The following PTPRU variants were observed in gnomAD, a reference collection of about 807,000 sequenced individuals.
PTPRU encodes the protein protein tyrosine phosphatase receptor type U, also known as receptor-type tyrosine-protein phosphatase U.
In PTPRU, 69 loss-of-function variants were observed where a neutral mutation model predicts 166.3. The observed-to-expected ratio is 0.41, with a 90% CI of 0.34 to 0.51. The LOEUF (loss-of-function observed/expected upper bound fraction) is 0.51, where lower values mean the gene tolerates loss of function less well. Among genes scored for constraint, PTPRU ranks in the 20% least tolerant of loss-of-function variants. PTPRU has a pLI of 0.09. For synonymous variants in PTPRU, 793 were observed against 814.0 expected, an observed-to-expected ratio of 0.97 and a Z score of 0.44; for missense variants, 1,657 against 2,013.7, an observed-to-expected ratio of 0.82 and a Z score of 3.39.
chr1:29,253,684 A>T (rs1266573011), intron 1 of PTPRU, among the ~76,000 whole-genome samples: 1 of 151,790 alleles, frequency 6.6e-6, no homozygotes, highest in Admixed American at 6.6e-5. Flanking sequence ...ACAACTATCT[A>T]TACCTCTCCC....
chr1:29,292,990 G>GT (rs1320011122), intron 15 of PTPRU, among the ~76,000 whole-genome samples: 1 of 147,468 alleles, frequency 6.8e-6, no homozygotes, highest in Non-Finnish European at 1.5e-5. Flanking sequence ...TAATTTTTTT[G>GT]TTTTTTTGAG....
At chr1:29,270,830 A>G (rs915338270) in intron 7 of PTPRU, among the ~76,000 whole-genome samples, 2 of 152,124 alleles carry the variant, frequency 1.3e-5, no homozygotes, top group African/African-American at 4.8e-5. Context: ...AACCAGGTGC[A>G]TGGTGGCACA....
chr1:29,264,789 C>T (rs977983738), intron 7 of PTPRU, among the ~76,000 whole-genome samples: 23 of 152,192 alleles, frequency 1.5e-4, no homozygotes, highest in African/African-American at 4.3e-4. Flanking sequence ...TATAGGCATG[C>T]GTGGCCAACT....
intron 1 of PTPRU, among the ~76,000 whole-genome samples, chr1:29,248,450 A>G (rs1474821994): frequency 6.6e-6 from 1 of 152,082 alleles, no homozygotes; most frequent in Non-Finnish European, 1.5e-5. Context: ...GAATTCCCCC[A>G]CCCACAACTG....
chr1:29,323,935 C>G (rs945173762), intron 28 of PTPRU, 147 bp downstream of exon 28: 2 of 1,070,668 alleles, frequency 1.9e-6, no homozygotes, highest in African/African-American at 3.2e-5. Flanking sequence ...AGGATGCTGC[C>G]CAACCAGCCA....
intron 7 of PTPRU, among the ~76,000 whole-genome samples, chr1:29,273,420 C>A (rs1685659714): frequency 6.6e-6 from 1 of 152,190 alleles, no homozygotes; most frequent in African/African-American, 2.4e-5. Flanking sequence ...AGGCATGTGC[C>A]ACCATGCCCG....
intron 1 of PTPRU, among the ~76,000 whole-genome samples, chr1:29,252,271 C>CCT (rs1553363033): frequency 1.0e-3 from 141 of 135,766 alleles, no homozygotes; most frequent in African/African-American, 3.5e-3. Context: ...TTTTTTCTTT[C>CCT]TTTTTTTTTT....
chr1:29,243,266 C>T (rs1684139331), intron 1 of PTPRU, among the ~76,000 whole-genome samples: 1 of 152,158 alleles, frequency 6.6e-6, no homozygotes. Flanking sequence ...ACATAGGATG[C>T]TGCCACTCCT....
chr1:29,251,912 C>T (rs1684559406), intron 1 of PTPRU, among the ~76,000 whole-genome samples: 3 of 152,206 alleles, frequency 2.0e-5, no homozygotes, highest in Admixed American at 2.0e-4. Context: ...CCTCCTCCTC[C>T]AGGAAGTCCT....
chr1:29,279,511 G>A lies in PTPRU; in HGVS notation c.1619G>A (p.Arg540Gln), dbSNP rs371266065. The A allele has an allele frequency of 3.1e-6, 5 of 1,614,112 alleles. No individual in the cohort carries two copies. Among genetic ancestry groups the A allele is most frequent in the South Asian group, 2.2e-5 (2 of 91,080 alleles). ...SDPAVNVPGP[R>Q]RTISKLRNET... ...CCGGCAGTGAACGTGCCAGGCCCAC[G>A]ACGTACCATCTCCAAGCTCCGCAAT... is the stretch of plus-strand genomic sequence containing the variant. Residue 540 changes from arginine (R) to glutamine (Q), a missense_variant, in exon 10 of 30, where the codon CGA becomes CAA. This residue lies in a region of PTPRU where 1,190 missense variants were observed against 1,477.4 expected (regional missense o/e 0.81). Coordinates refer to ENST00000373779, the MANE Select transcript of PTPRU (RefSeq NM_133178.4). This position sits in a 1 kb window ranked among gnomAD's most constrained non-coding sequence, Gnocchi z 5.2.
Position 29,260,933 on chromosome 1 carries a change from T to G in PTPRU, c.1144+30T>G. ...GTGCAGCAGCTACCCCTGGCCTCAG[T>G]CTCTGGTGGGCCCAGGGCTATGGAG... On this transcript the variant is annotated intron_variant, in intron 7 of 29. Coordinates refer to ENST00000373779, the MANE Select transcript of PTPRU (RefSeq NM_133178.4). The surrounding 1 kb of genome is among the most constrained non-coding windows in gnomAD (Gnocchi z 8.3). 2 of 1,504,320 alleles carry G rather than the reference T, an allele frequency of 1.3e-6. No homozygotes were observed. The allele number at this position is 1,504,320 out of a possible 1,614,324, so 93.2% of individuals were successfully genotyped here.
chr1:29,317,995 G>C lies in PTPRU; in HGVS notation c.3687+74G>C. ...ATCAGGGAAGGTCCAGGGGCCACGG[G>C]AACAAAGCTGAAGGCTCTGTTGGGG... On this transcript the variant is annotated intron_variant, in intron 25 of 29. Coordinates refer to ENST00000373779, the MANE Select transcript of PTPRU (RefSeq NM_133178.4). The surrounding 1 kb of genome is among the most constrained non-coding windows in gnomAD (Gnocchi z 5.6). 13 of 1,540,738 alleles carry C rather than the reference G, an allele frequency of 8.4e-6. No individual in the cohort carries two copies. Among genetic ancestry groups the C allele is most frequent in the Non-Finnish European group, 1.1e-5 (13 of 1,133,102 alleles).
chr1:29,310,637 C>T, intron 18 of PTPRU, 107 bp from the exon 19 acceptor site: 1 of 1,221,944 alleles, frequency 8.2e-7, no homozygotes, highest in Non-Finnish European at 1.2e-6. Flanking sequence ...GGGAGCAGTT[C>T]CCTGGTGGGG....
At chr1:29,266,917 C>T (rs543577464) in intron 7 of PTPRU, among the ~76,000 whole-genome samples, 60 of 151,926 alleles carry the variant, frequency 3.9e-4, no homozygotes, top group Admixed American at 3.1e-3. Flanking sequence ...TTCACTCACA[C>T]GTGCATCAAA....
rs1462542538 is a variant in PTPRU, at chr1:29,281,608, A to G, written c.1869-1068A>G. ...ATGCACTTTGTTCATGGCTAATGTT[A>G]ATGATTACCTCCTGGTGGGATTTAG... On this transcript the variant is annotated intron_variant, in intron 11 of 29. Coordinates refer to ENST00000373779, the MANE Select transcript of PTPRU (RefSeq NM_133178.4). Among the ~76,000 whole-genome samples the G allele has an allele frequency of 2.0e-5, 3 of 152,256 alleles. No individual in the cohort carries two copies. In the East Asian group the frequency reaches 5.8e-4, roughly 29 times the overall value.
chr1:29,308,398 C>T (rs973130896), intron 18 of PTPRU, among the ~76,000 whole-genome samples: 1 of 149,512 alleles, frequency 6.7e-6, no homozygotes, highest in Non-Finnish European at 1.5e-5. Context: ...GTGAGATTGC[C>T]TCTACAAAAA....
rs1172648566 is a variant in PTPRU, at chr1:29,264,661, A to G, written c.1144+3758A>G. On this transcript the variant is annotated intron_variant, in intron 7 of 29. Transcript: ENST00000373779. ...GCTGGGATTACAGGCGCGTGCCACC[A>G]TGCCCAGCTAATTTTTATATTTTTG... Among the ~76,000 whole-genome samples, 3 of 152,094 alleles carry G rather than the reference A, an allele frequency of 2.0e-5. No individual in the cohort carries two copies. The East Asian group carries it at 5.8e-4, about 29-fold the overall frequency.
At position 29,257,035 on chromosome 1, in the gene PTPRU, T is replaced by C. The variant is rs1473741145; in HGVS notation, c.206-1470T>C. On this transcript the variant is annotated intron_variant, in intron 2 of 29. Transcript: ENST00000373779. This position sits in a 1 kb window ranked among gnomAD's most constrained non-coding sequence, Gnocchi z 4.6. ...GTGGAGGGAGAAGAAAGGAGGGAGA[T>C]TCACACTCAGAGATGGAGAGAGGAG... Among the ~76,000 whole-genome samples, 1 of 151,310 alleles carries C rather than the reference T, an allele frequency of 6.6e-6. No individual in the cohort carries two copies. The highest frequency in any genetic ancestry group is 2.1e-4 in the South Asian group (1 of 4,802).
At chr1:29,262,655 G>T (rs1257272215) in intron 7 of PTPRU, among the ~76,000 whole-genome samples, 4 of 152,086 alleles carry the variant, frequency 2.6e-5, no homozygotes, top group Non-Finnish European at 5.9e-5. Context: ...AACTCTCTGT[G>T]GTTTAAGGCA....
Sources: gnomAD v4.1 joint callset for allele counts (sites outside exome capture counted in the v4.1 genomes callset) on GRCh38, gnomAD v4.1.1 for gene constraint, gnomAD v4.1.1 regional missense constraint, Gnocchi (gnomAD v3.1) non-coding constraint, MANE v1.5 for transcripts, NCBI Gene and HGNC (gene_info 2026-07-23, HGNC 2026-07-21) for gene names.